The following PTPRT variants were observed in gnomAD, a reference collection of about 807,000 sequenced individuals.
PTPRT encodes protein tyrosine phosphatase receptor type T, also known as receptor-type tyrosine-protein phosphatase T.
PTPRT carries 56 observed loss-of-function variants against 176.8 expected under a neutral mutation model. That is an observed-to-expected ratio of 0.32 (90% CI 0.26 to 0.40). PTPRT has a LOEUF of 0.40. Among genes scored for constraint, PTPRT ranks in the 10% least tolerant of loss-of-function variants. The pLI, the probability that PTPRT is intolerant of heterozygous loss-of-function variation, is 1.00. For synonymous variants in PTPRT, 783 were observed against 739.0 expected (o/e 1.06, Z -0.96); for missense variants, 1,540 against 1,908.2 (o/e 0.81, Z 3.60).
chr20:42,257,372 A>G (rs1337986801), intron 13 of PTPRT, among the ~76,000 whole-genome samples: 4 of 152,334 alleles, frequency 2.6e-5, no homozygotes, highest in African/African-American at 9.6e-5. Flanking sequence ...TAACACATCT[A>G]GGGCTTTTAC....
intron 7 of PTPRT, among the ~76,000 whole-genome samples, chr20:42,573,154 A>G (rs2073188727): frequency 6.6e-6 from 1 of 152,200 alleles, no homozygotes; most frequent in Non-Finnish European, 1.5e-5. Context: ...TAGGAGGTAC[A>G]GTGAGCAGGG....
chr20:43,170,543 C>T (rs2014970996), intron 1 of PTPRT, among the ~76,000 whole-genome samples: 1 of 152,178 alleles, frequency 6.6e-6, no homozygotes, highest in Non-Finnish European at 1.5e-5. Flanking sequence ...ATCCACCCAT[C>T]AAATTGAAAT....
chr20:43,121,212 G>A (rs1019393461), intron 1 of PTPRT, among the ~76,000 whole-genome samples: 1 of 151,830 alleles, frequency 6.6e-6, no homozygotes, highest in African/African-American at 2.4e-5. Context: ...TTTGCTGGAT[G>A]GTATTTCTTT....
chr20:42,938,150 AT>A lies in PTPRT; in HGVS notation c.89-52219del, dbSNP rs564352922. Among the ~76,000 whole-genome samples, 256 of 152,334 alleles carry A rather than the reference AT, an allele frequency of 1.7e-3. 1 individual carries two copies. The highest frequency in any genetic ancestry group is 6.0e-3 in the African/African-American group (251 of 41,590). On this transcript the variant is annotated intron_variant, in intron 1 of 30. Coordinates refer to ENST00000373187, the MANE Select transcript of PTPRT (RefSeq NM_007050.6). Reference sequence around the variant, plus strand: ...CAAAGAACAGACAGCTAACAGAAACATTTAAATGGGTGTACGAATGGATGTA... The same window carrying A: ...CAAAGAACAGACAGCTAACAGAAACATTAAATGGGTGTACGAATGGATGTA...
At chr20:42,808,847 T>C (rs1410144501) in intron 2 of PTPRT, among the ~76,000 whole-genome samples, 3 of 152,080 alleles carry the variant, frequency 2.0e-5, no homozygotes, top group Non-Finnish European at 1.5e-5. Flanking sequence ...GACTGTTGGG[T>C]AGATGCTCAA....
chr20:43,173,214 C>G (rs981224477), intron 1 of PTPRT, among the ~76,000 whole-genome samples: 8 of 152,148 alleles, frequency 5.3e-5, no homozygotes, highest in Non-Finnish European at 7.3e-5. Flanking sequence ...AAGATTCAGC[C>G]AAGAACTACC....
intron 7 of PTPRT, among the ~76,000 whole-genome samples, chr20:42,621,455 C>T (rs7362850): frequency 0.21 from 31,500 of 152,170 alleles, 4,522 homozygotes; most frequent in African/African-American, 0.41. Context: ...GTCCTCAACC[C>T]ATTCTATCAG....
intron 1 of PTPRT, among the ~76,000 whole-genome samples, chr20:42,910,436 GA>G (rs2079530324): frequency 1.3e-5 from 2 of 152,112 alleles, no homozygotes; most frequent in African/African-American, 4.8e-5. Context: ...ATTTTGGGGG[GA>G]AAAACTATGT....
At chr20:42,115,425 C>A in intron 21 of PTPRT, 110 bp from the exon 22 acceptor site, 2 of 834,762 alleles carry the variant, frequency 2.4e-6, no homozygotes, top group East Asian at 2.5e-5. Context: ...CAAATAAACC[C>A]AAGGGTGACT....
chr20:42,960,781 A>G (rs1981941217), intron 1 of PTPRT, among the ~76,000 whole-genome samples: 1 of 152,162 alleles, frequency 6.6e-6, no homozygotes, highest in Non-Finnish European at 1.5e-5. Context: ...CGATGTCATA[A>G]ACAGCACCAG....
intron 7 of PTPRT, among the ~76,000 whole-genome samples, chr20:42,611,969 C>T (rs146698084): frequency 3.3e-5 from 5 of 152,222 alleles, no homozygotes; most frequent in South Asian, 4.1e-4. Flanking sequence ...TTCAAAAAAT[C>T]GTAATGAACA....
intron 16 of PTPRT, among the ~76,000 whole-genome samples, chr20:42,175,766 AT>A (rs1318691722): frequency 6.6e-6 from 1 of 152,202 alleles, no homozygotes; most frequent in Non-Finnish European, 1.5e-5. Flanking sequence ...GATGTCTAAA[AT>A]TTCCTTTGAT....
At chr20:42,451,264 G>T (rs544950892) in intron 8 of PTPRT, among the ~76,000 whole-genome samples, 1 of 152,154 alleles carries the variant, frequency 6.6e-6, no homozygotes, top group African/African-American at 2.4e-5. Flanking sequence ...GTGTCATGGA[G>T]AACTGCAACC....
At chr20:42,698,663 T>C (rs773473853) in intron 6 of PTPRT, among the ~76,000 whole-genome samples, 13 of 152,176 alleles carry the variant, frequency 8.5e-5, no homozygotes, top group Non-Finnish European at 1.6e-4. Context: ...TCCCTAGTTG[T>C]CTCCAATATG....
intron 1 of PTPRT, among the ~76,000 whole-genome samples, chr20:43,142,984 T>C (rs2146404204): frequency 6.6e-6 from 1 of 152,266 alleles, no homozygotes; most frequent in Non-Finnish European, 1.5e-5. Flanking sequence ...CATCTCCACC[T>C]TACAAATAAG....
At chr20:43,052,386 T>C (rs1987082827) in intron 1 of PTPRT, among the ~76,000 whole-genome samples, 1 of 152,192 alleles carries the variant, frequency 6.6e-6, no homozygotes, top group Non-Finnish European at 1.5e-5. Flanking sequence ...ACTCAACAGA[T>C]GTTTATTGGC....
intron 16 of PTPRT, among the ~76,000 whole-genome samples, chr20:42,171,464 G>A (rs1218216183): frequency 1.3e-5 from 2 of 152,078 alleles, no homozygotes; most frequent in South Asian, 4.1e-4. Flanking sequence ...ACATCACTAG[G>A]AATAAAAGTA....
At position 42,591,811 on chromosome 20, in the gene PTPRT, A is replaced by T. The variant is rs554273621; in HGVS notation, c.1153+86055T>A. ...TGAACCTCAATTTTCCCATCAGTACAGTAAAATGGGCACAATGACCATGGC... is the reference window on the plus strand; with the variant it reads ...TGAACCTCAATTTTCCCATCAGTACTGTAAAATGGGCACAATGACCATGGC... On this transcript the variant is annotated intron_variant, in intron 7 of 30. Coordinates refer to ENST00000373187, the MANE Select transcript of PTPRT (RefSeq NM_007050.6). Among the ~76,000 whole-genome samples the T allele has an allele frequency of 3.2e-4, 49 of 152,204 alleles. No homozygotes were observed. In the South Asian group the frequency reaches 7.9e-3, roughly 25 times the overall value.
chr20:42,090,955 C>T (rs893229382), intron 27 of PTPRT, among the ~76,000 whole-genome samples: 2 of 152,232 alleles, frequency 1.3e-5, no homozygotes, highest in African/African-American at 2.4e-5. Flanking sequence ...CTCTCTCCTA[C>T]CCTTTCTTTT....
Sources: allele counts gnomAD v4.1 joint callset (sites outside exome capture counted in the v4.1 genomes callset), GRCh38; gene constraint gnomAD v4.1.1; transcripts MANE v1.5; gene names NCBI Gene and HGNC (gene_info 2026-07-23, HGNC 2026-07-21).